LPP: variants seen among roughly 807,000 people sequenced by gnomAD.
The protein encoded by LPP is lipoma-preferred partner.
A neutral mutation model predicts 60.4 loss-of-function variants in LPP; 38 were observed. That is an observed-to-expected ratio of 0.63 (90% CI 0.49 to 0.83). The LOEUF (loss-of-function observed/expected upper bound fraction) is 0.83. LPP is among the 40% of genes least tolerant of loss of function. The pLI, the probability that LPP is intolerant of heterozygous loss-of-function variation, is 0.00. For synonymous variants in LPP, 328 were observed against 290.8 expected, an observed-to-expected ratio of 1.13 and a Z score of -1.30; for missense variants, 902 against 783.6, an observed-to-expected ratio of 1.15 and a Z score of -1.80.
At chr3:188,395,559 T>C (rs1172604051) in intron 3 of LPP, among the ~76,000 whole-genome samples, 2 of 152,254 alleles carry the variant, frequency 1.3e-5, no homozygotes, top group East Asian at 3.9e-4. Flanking sequence ...ATATTTAAGA[T>C]GATATGTAAT....
intron 8 of LPP, among the ~76,000 whole-genome samples, chr3:188,755,042 T>C (rs990891395): frequency 6.6e-6 from 1 of 152,216 alleles, no homozygotes; most frequent in African/African-American, 2.4e-5. Context: ...TATAATCTTA[T>C]TGATTCAACT....
Position 188,324,354 on chromosome 3 carries a change from T to C in LPP, c.-66-17309T>C, listed in dbSNP as rs989855633. Among the ~76,000 whole-genome samples the C allele has an allele frequency of 2.6e-5, 4 of 152,198 alleles. 1 individual carries two copies. The highest frequency in any genetic ancestry group is 5.9e-5 in the Non-Finnish European group (4 of 68,022). ...TACCATAAGTCCAACGTTCATCACC[T>C]CCTGCTCCACTGTTGTTCCTGTCTC... On this transcript the variant is annotated intron_variant, in intron 2 of 11. Transcript: ENST00000617246.
At chr3:188,164,576 C>A (rs980918979) in intron 1 of LPP, among the ~76,000 whole-genome samples, 3 of 152,156 alleles carry the variant, frequency 2.0e-5, no homozygotes, top group African/African-American at 7.2e-5. Flanking sequence ...AGTTGCCACC[C>A]ACAGGGCTGG....
At chr3:188,848,375 A>G (rs1475205114) in intron 9 of LPP, among the ~76,000 whole-genome samples, 1 of 152,204 alleles carries the variant, frequency 6.6e-6, no homozygotes, top group Non-Finnish European at 1.5e-5. Flanking sequence ...TCCCTCTCTG[A>G]TGCAGATCCC....
intron 1 of LPP, among the ~76,000 whole-genome samples, chr3:188,173,228 C>T (rs551080245): frequency 4.6e-5 from 7 of 152,174 alleles, no homozygotes; most frequent in South Asian, 2.1e-4. Context: ...AGGTCAGGCG[C>T]GGTGGCTCAT....
rs117546218 is a variant in LPP at position 188,216,008 on chromosome 3, A to G, written c.-189-9397A>G. ...TAAATTTAAAGCTCACCTCTAGCAA[A>G]TGGTATGAGACATCCAGCTCTTATT... On this transcript the variant is annotated intron_variant, in intron 1 of 11. Transcript: ENST00000617246. 4.6e-5 allele frequency among the ~76,000 whole-genome samples: 7 copies of G among 152,270 alleles called. No individual in the cohort carries two copies. The East Asian group carries it at 1.4e-3, about 29-fold the overall frequency.
chr3:188,475,543 C>G (rs1802933842), intron 4 of LPP, among the ~76,000 whole-genome samples: 1 of 152,176 alleles, frequency 6.6e-6, no homozygotes, highest in Admixed American at 6.5e-5. Context: ...ACATACAGGC[C>G]TATATAAAAT....
At chr3:188,224,859 C>T (rs79996178) in intron 1 of LPP, among the ~76,000 whole-genome samples, 1,564 of 152,216 alleles carry the variant, frequency 0.01, 24 homozygotes, top group African/African-American at 0.036. Context: ...CCTCTGCAGG[C>T]CCCACCTCCA....
At chr3:188,426,819 T>A (rs191049262) in intron 4 of LPP, among the ~76,000 whole-genome samples, 4 of 152,332 alleles carry the variant, frequency 2.6e-5, no homozygotes, top group Non-Finnish European at 1.5e-5. Context: ...TATTCCTCGA[T>A]CCATTTATTT....
chr3:188,637,424 A>G (rs1383882339), intron 7 of LPP, among the ~76,000 whole-genome samples: 1 of 151,946 alleles, frequency 6.6e-6, no homozygotes, highest in Admixed American at 6.6e-5. Context: ...AAGATCCAAA[A>G]TTGACACCCT....
chr3:188,622,353 C>T lies in LPP; in HGVS notation c.1113+12509C>T, dbSNP rs894019127. On this transcript the variant is annotated intron_variant, in intron 7 of 11. Coordinates refer to ENST00000617246, the MANE Select transcript of LPP (RefSeq NM_001375462.1). Reference sequence around the variant, plus strand: ...TCATTAATAGGCTCATTTTCCAGAACTAACATTGGGGCATTTCAAGGACTT... The same window carrying T: ...TCATTAATAGGCTCATTTTCCAGAATTAACATTGGGGCATTTCAAGGACTT... 4.6e-5 allele frequency among the ~76,000 whole-genome samples: 7 copies of T among 152,168 alleles called. No homozygotes were observed. In the South Asian group the frequency reaches 1.4e-3, roughly 31 times the overall value.
intron 2 of LPP, among the ~76,000 whole-genome samples, chr3:188,250,810 C>CTT (rs1490878525): frequency 1.0e-5 from 1 of 99,452 alleles, no homozygotes; most frequent in African/African-American, 4.4e-5. Flanking sequence ...CTTTCTTTCT[C>CTT]TTTCTTTCTT....
At chr3:188,833,612 T>C in intron 9 of LPP, among the ~76,000 whole-genome samples, 1 of 152,216 alleles carries the variant, frequency 6.6e-6, no homozygotes, top group Non-Finnish European at 1.5e-5. Context: ...TGTTAGAGCC[T>C]TGGCAGTGTA....
intron 7 of LPP, among the ~76,000 whole-genome samples, chr3:188,651,550 C>T (rs891313121): frequency 6.6e-6 from 1 of 152,156 alleles, no homozygotes; most frequent in African/African-American, 2.4e-5. Context: ...ATACCTGAGA[C>T]TGGACAATTT....
rs1171257635 is a variant in LPP, at chr3:188,636,244, G to A, written c.1113+26400G>A. 3.3e-5 allele frequency among the ~76,000 whole-genome samples: 5 copies of A among 152,356 alleles called. No homozygotes were observed. The East Asian group carries it at 7.7e-4, about 24-fold the overall frequency. ...CAGGGCGAGGCATTGCCTCACTCGG[G>A]AAGCGCAAGGGGTCAGGGAGTTCCC... is the stretch of plus-strand genomic sequence containing the variant. On this transcript the variant is annotated intron_variant, in intron 7 of 11. Coordinates refer to ENST00000617246, the MANE Select transcript of LPP (RefSeq NM_001375462.1).
chr3:188,570,194 G>A (rs1833214461), intron 6 of LPP, among the ~76,000 whole-genome samples: 1 of 152,014 alleles, frequency 6.6e-6, no homozygotes, highest in Non-Finnish European at 1.5e-5. Context: ...ATTGGTCAAA[G>A]GCATATGAGT....
intron 9 of LPP, among the ~76,000 whole-genome samples, chr3:188,812,022 A>G (rs1751147920): frequency 6.6e-6 from 1 of 152,066 alleles, no homozygotes; most frequent in African/African-American, 2.4e-5. Context: ...TTTATTCCCC[A>G]CCAAAGTTTT....
chr3:188,447,801 C>T (rs571863308), intron 4 of LPP, among the ~76,000 whole-genome samples: 53 of 151,940 alleles, frequency 3.5e-4, no homozygotes, highest in African/African-American at 1.1e-3. Context: ...GGTGACTCTC[C>T]GGGATTCTAT....
Position 188,248,172 on chromosome 3 carries a change from G to A in LPP, c.-67+22645G>A, listed in dbSNP as rs140858300. Among the ~76,000 whole-genome samples the A allele has an allele frequency of 1.9e-3, 290 of 152,092 alleles. 3 individuals are homozygous for A. Among genetic ancestry groups the A allele is most frequent in the Admixed American group, 3.1e-3 (47 of 15,280 alleles). ...CCAAGTGAAAACTGCTGGATGAACC[G>A]AAAATTCACCCAAACAACGTGAATG... On this transcript the variant is annotated intron_variant, in intron 2 of 11. Coordinates refer to ENST00000617246, the MANE Select transcript of LPP (RefSeq NM_001375462.1).
Sources: allele counts gnomAD v4.1 joint callset (sites outside exome capture counted in the v4.1 genomes callset), GRCh38; gene constraint gnomAD v4.1.1; transcripts MANE v1.5; gene names NCBI Gene and HGNC (gene_info 2026-07-23, HGNC 2026-07-21).